GNA14: variants seen among roughly 807,000 people sequenced by gnomAD.
The protein encoded by GNA14 is guanine nucleotide-binding protein subunit alpha-14.
A neutral mutation model predicts 42.0 loss-of-function variants in GNA14; 50 were observed. The observed-to-expected ratio is 1.19, with a 90% CI of 0.95 to 1.51. The LOEUF (loss-of-function observed/expected upper bound fraction) is 1.51, where lower values mean the gene tolerates loss of function less well. Ranked by LOEUF, GNA14 falls within the 40% of genes most tolerant of loss-of-function variation. GNA14 has a pLI of 0.00. For synonymous variants in GNA14, 173 were observed against 163.1 expected (o/e 1.06, Z -0.46); for missense variants, 473 against 446.2 (o/e 1.06, Z -0.54).
At chr9:77,610,060 C>T (rs1478755818) in intron 1 of GNA14, among the ~76,000 whole-genome samples, 2 of 152,194 alleles carry the variant, frequency 1.3e-5, no homozygotes, top group African/African-American at 4.8e-5. Flanking sequence ...TCCAAAACAA[C>T]TTTTATTACC....
intron 1 of GNA14, among the ~76,000 whole-genome samples, chr9:77,640,711 T>G (rs966000361): frequency 6.6e-6 from 1 of 151,818 alleles, no homozygotes; most frequent in East Asian, 2.0e-4. Context: ...GGACTTGATA[T>G]CTTTGTTTCA....
intron 2 of GNA14, among the ~76,000 whole-genome samples, chr9:77,441,214 G>T (rs1466584513): frequency 1.3e-5 from 2 of 152,138 alleles, no homozygotes; most frequent in East Asian, 3.8e-4. Flanking sequence ...GTCAAGGGAG[G>T]GACCTGGTGG....
chr9:77,584,745 A>T (rs1823275292), intron 1 of GNA14, among the ~76,000 whole-genome samples: 1 of 152,252 alleles, frequency 6.6e-6, no homozygotes, highest in Non-Finnish European at 1.5e-5. Context: ...TGGCTACTCC[A>T]TAGACAGAGC....
chr9:77,620,394 G>T (rs1823900992), intron 1 of GNA14, among the ~76,000 whole-genome samples: 1 of 152,230 alleles, frequency 6.6e-6, no homozygotes, highest in South Asian at 2.1e-4. Context: ...AAGTATTAAA[G>T]GGAAAAGCAA....
chr9:77,641,636 T>C (rs561141289), intron 1 of GNA14, among the ~76,000 whole-genome samples: 5 of 152,288 alleles, frequency 3.3e-5, no homozygotes, highest in Admixed American at 1.3e-4. Flanking sequence ...GCAATGACTT[T>C]GTGGAAAAGT....
intron 2 of GNA14, among the ~76,000 whole-genome samples, chr9:77,475,373 A>T (rs932292166): frequency 6.6e-6 from 1 of 152,222 alleles, no homozygotes; most frequent in Non-Finnish European, 1.5e-5. Flanking sequence ...CAGAACTTGA[A>T]AAGGCTTAGT....
intron 1 of GNA14, among the ~76,000 whole-genome samples, chr9:77,589,143 C>T (rs753485742): frequency 1.1e-4 from 16 of 152,164 alleles, no homozygotes; most frequent in Non-Finnish European, 2.2e-4. Flanking sequence ...ACTTTTAGGA[C>T]CAGTTTACCA....
rs116945136 is a variant in GNA14, at chr9:77,534,763, T to G, written c.125-5510A>C. Among the ~76,000 whole-genome samples the G allele has an allele frequency of 4.2e-4, 63 of 151,740 alleles. No homozygotes were observed. In the East Asian group the frequency reaches 0.011, roughly 27 times the overall value. On this transcript the variant is annotated intron_variant, in intron 1 of 6. Transcript: ENST00000341700. ...GGTTGGCTCTCTAAGGACAGGGATCTTTTTTTTTCTCGTTTCCTGATATCT... is the reference window on the plus strand; with the variant it reads ...GGTTGGCTCTCTAAGGACAGGGATCGTTTTTTTTCTCGTTTCCTGATATCT...
intron 1 of GNA14, among the ~76,000 whole-genome samples, chr9:77,542,208 A>C (rs886889630): frequency 6.6e-6 from 1 of 152,120 alleles, no homozygotes; most frequent in African/African-American, 2.4e-5. Context: ...AGATATGTAC[A>C]TCTACTTTTT....
At chr9:77,516,658 G>A (rs10869931) in intron 2 of GNA14, among the ~76,000 whole-genome samples, 25,591 of 151,622 alleles carry the variant, frequency 0.17, 2,325 homozygotes, top group Admixed American at 0.24. Flanking sequence ...TCTAGGAGGC[G>A]GAGGTTGCAG....
intron 1 of GNA14, among the ~76,000 whole-genome samples, chr9:77,639,810 G>A (rs1404117783): frequency 6.6e-6 from 1 of 152,150 alleles, no homozygotes; most frequent in Non-Finnish European, 1.5e-5. Context: ...CTGCTTACAT[G>A]GTCAACAATC....
intron 3 of GNA14, among the ~76,000 whole-genome samples, chr9:77,432,130 G>T (rs951562640): frequency 6.6e-6 from 1 of 151,140 alleles, no homozygotes; most frequent in Non-Finnish European, 1.5e-5. Flanking sequence ...AAACTTTAAG[G>T]CCTTTCTAAA....
At chr9:77,478,831 G>C (rs909243923) in intron 2 of GNA14, among the ~76,000 whole-genome samples, 1 of 152,120 alleles carries the variant, frequency 6.6e-6, no homozygotes, top group Non-Finnish European at 1.5e-5. Context: ...GTCTTTTTTT[G>C]AGAAGTGTCT....
intron 4 of GNA14, among the ~76,000 whole-genome samples, chr9:77,430,795 C>A (rs1263402195): frequency 1.3e-5 from 2 of 152,158 alleles, no homozygotes; most frequent in Non-Finnish European, 2.9e-5. Flanking sequence ...TTCACTAAGT[C>A]ATCCTAAAAG....
intron 1 of GNA14, among the ~76,000 whole-genome samples, chr9:77,617,040 T>G (rs1823834066): frequency 6.6e-6 from 1 of 151,932 alleles, no homozygotes; most frequent in Admixed American, 6.6e-5. Flanking sequence ...CGGTTAATTT[T>G]TTTGTATTTT....
At chr9:77,534,969 G>T (rs1426966339) in intron 1 of GNA14, among the ~76,000 whole-genome samples, 2 of 152,234 alleles carry the variant, frequency 1.3e-5, no homozygotes, top group African/African-American at 2.4e-5. Context: ...GCGCTCTGAT[G>T]AAGACACTTG....
intron 1 of GNA14, among the ~76,000 whole-genome samples, chr9:77,623,708 T>A (rs1311859637): frequency 6.6e-6 from 1 of 152,210 alleles, no homozygotes; most frequent in African/African-American, 2.4e-5. Context: ...CCTGAGGGAC[T>A]GTGCCATGAG....
At chr9:77,448,309 G>A (rs75782963) in intron 2 of GNA14, among the ~76,000 whole-genome samples, 2,583 of 152,336 alleles carry the variant, frequency 0.017, 40 homozygotes, top group Middle Eastern at 0.044. Context: ...ACGATGGTGT[G>A]AAAGCAGTAA....
intron 2 of GNA14, among the ~76,000 whole-genome samples, chr9:77,501,856 A>T (rs138571797): frequency 0.012 from 1,750 of 151,978 alleles, 27 homozygotes; most frequent in African/African-American, 0.039. Context: ...GACTACAAGC[A>T]CACACCACCA....
Sources: gnomAD v4.1 joint callset for allele counts (sites outside exome capture counted in the v4.1 genomes callset) on GRCh38, gnomAD v4.1.1 for gene constraint, MANE v1.5 for transcripts, NCBI Gene and HGNC (gene_info 2026-07-23, HGNC 2026-07-21) for gene names.